Variants in SEPTIN9 observed in about 807,000 individuals in gnomAD.
The protein encoded by SEPTIN9 is septin 9.
A neutral mutation model predicts 56.6 loss-of-function variants in SEPTIN9; 13 were observed. That is an observed-to-expected ratio of 0.23 (90% CI 0.15 to 0.37). The LOEUF (loss-of-function observed/expected upper bound fraction) is 0.37, where lower values mean the gene tolerates loss of function less well. Ranked by LOEUF, SEPTIN9 falls within the 10% of genes least tolerant of loss-of-function variation. SEPTIN9 has a pLI of 1.00. For synonymous variants in SEPTIN9, 332 were observed against 334.1 expected, an observed-to-expected ratio of 0.99 and a Z score of 0.07; for missense variants, 650 against 823.1, an observed-to-expected ratio of 0.79 and a Z score of 2.57.
intron 2 of SEPTIN9, among the ~76,000 whole-genome samples, chr17:77,334,442 ATGT>A (rs780483979): frequency 5.0e-4 from 72 of 143,696 alleles, no homozygotes; most frequent in Non-Finnish European, 9.8e-4. Flanking sequence ...AAAAAAAAAA[ATGT>A]TGTTTCATAT....
intron 3 of SEPTIN9, among the ~76,000 whole-genome samples, chr17:77,481,385 G>A (rs1013959989): frequency 2.1e-5 from 3 of 145,604 alleles, no homozygotes; most frequent in Non-Finnish European, 4.5e-5. Context: ...TCCAGGGGGA[G>A]GCAGATGTGG....
Position 77,317,724 on chromosome 17 carries a change from A to T in SEPTIN9, c.76+10527A>T, listed in dbSNP as rs576101951. 3.3e-4 allele frequency among the ~76,000 whole-genome samples: 50 copies of T among 152,286 alleles called. No homozygotes were observed. Among genetic ancestry groups the T allele is most frequent in the African/African-American group, 9.9e-4 (41 of 41,556 alleles). ...CTTGTGGCCGGGTGCAGTGGCTCAC[A>T]CCTGTAATCCCAGAGTGAAACTCTG... On this transcript the variant is annotated intron_variant, in intron 2 of 11. Transcript: ENST00000427177. The surrounding 1 kb of genome is among the most constrained non-coding windows in gnomAD (Gnocchi z 4.2).
At position 77,452,816 on chromosome 17, in the gene SEPTIN9, C is replaced by T. The variant is rs149883339; in HGVS notation, c.722-29328C>T. The stretch of plus-strand genomic sequence containing the variant: ...TGTCATTCTCTTTGGCCAACTCCCC[C>T]GGCAGCCCCAGGAGCTCCTTTTCAG... On this transcript the variant is annotated intron_variant, in intron 3 of 11. Transcript: ENST00000427177. Among the ~76,000 whole-genome samples the T allele has an allele frequency of 4.5e-3, 684 of 150,984 alleles. 3 individuals are homozygous for T. The highest frequency in any genetic ancestry group is 0.017 in the Middle Eastern group (5 of 294).
Position 77,475,320 on chromosome 17 carries a change from G to T in SEPTIN9, c.722-6824G>T. On this transcript the variant is annotated intron_variant, in intron 3 of 11. Transcript: ENST00000427177. This position sits in a 1 kb window ranked among gnomAD's most constrained non-coding sequence, Gnocchi z 4.6. ...AGCGGGGAGGGCAAGCCCTGGTTGC[G>T]AGGCAGGGCTTCCCCAGGATTCAGC... The T allele has an allele frequency of 7.0e-7, 1 of 1,425,288 alleles. No homozygotes were observed. Among genetic ancestry groups the T allele is most frequent in the Non-Finnish European group, 9.1e-7 (1 of 1,094,978 alleles). The allele number at this position is 1,425,288 out of a possible 1,614,324, so 88.3% of individuals were successfully genotyped here. A position where few individuals can be genotyped will look rare whatever the true frequency, so the allele number is the denominator to read the frequency against.
intron 3 of SEPTIN9, among the ~76,000 whole-genome samples, chr17:77,458,540 G>GT (rs770017039): frequency 6.6e-6 from 1 of 152,180 alleles, no homozygotes; most frequent in Non-Finnish European, 1.5e-5. Flanking sequence ...CTAGAGCTAT[G>GT]GTCTTTTGTC....
At chr17:77,418,276 T>C (rs8071497) in intron 3 of SEPTIN9, among the ~76,000 whole-genome samples, 56,329 of 152,010 alleles carry the variant, frequency 0.37, 10,967 homozygotes, top group African/African-American at 0.41. Flanking sequence ...GCCCCTCAGA[T>C]GGCCGGAAAG....
At chr17:77,373,408 C>G in intron 2 of SEPTIN9, 1 of 1,262,180 alleles carries the variant, frequency 7.9e-7, no homozygotes, top group Admixed American at 4.4e-5. Context: ...AGCGCGGGCG[C>G]GGCGCCCCAG....
intron 2 of SEPTIN9, among the ~76,000 whole-genome samples, chr17:77,340,641 C>A (rs984661125): frequency 6.6e-6 from 1 of 152,182 alleles, no homozygotes; most frequent in African/African-American, 2.4e-5. Flanking sequence ...GTCAGCCTGT[C>A]CTTTGAAGCT....
At position 77,433,398 on chromosome 17, in the gene SEPTIN9, C is replaced by T. The variant is rs561939939; in HGVS notation, c.721+30695C>T. 1.3e-5 allele frequency among the ~76,000 whole-genome samples: 2 copies of T among 151,734 alleles called. No homozygotes were observed. The highest frequency in any genetic ancestry group is 2.9e-5 in the Non-Finnish European group (2 of 67,934). On this transcript the variant is annotated intron_variant, in intron 3 of 11. Transcript: ENST00000427177. The surrounding 1 kb of genome is among the most constrained non-coding windows in gnomAD (Gnocchi z 6.4). Reference sequence around the variant, plus strand: ...CAGGGTGGGGCTGGGTGCGAGGACCCCCCCCGGCCAACAGGGTCTGCTTAG... The same window carrying T: ...CAGGGTGGGGCTGGGTGCGAGGACCTCCCCCGGCCAACAGGGTCTGCTTAG...
intron 2 of SEPTIN9, among the ~76,000 whole-genome samples, chr17:77,356,868 G>A (rs2034270939): frequency 6.7e-6 from 1 of 149,418 alleles, no homozygotes; most frequent in Admixed American, 6.7e-5. Context: ...CATGCAGGCT[G>A]GCTGTCATGA....
At chr17:77,420,836 T>C (rs532537412) in intron 3 of SEPTIN9, among the ~76,000 whole-genome samples, 1 of 152,264 alleles carries the variant, frequency 6.6e-6, no homozygotes, top group Admixed American at 6.5e-5. Context: ...CAGTATGTGG[T>C]CACAACAACG....
intron 10 of SEPTIN9, 125 bp downstream of exon 10, chr17:77,493,201 A>T: frequency 1.6e-6 from 1 of 628,784 alleles, no homozygotes; most frequent in Non-Finnish European, 2.6e-6. Context: ...TGCCCCACCC[A>T]GAGGGAGGGG....
intron 3 of SEPTIN9, among the ~76,000 whole-genome samples, chr17:77,462,191 C>T (rs554460661): frequency 6.6e-6 from 1 of 152,272 alleles, no homozygotes; most frequent in Non-Finnish European, 1.5e-5. Flanking sequence ...TACTTGACAC[C>T]GAGCCTTCAT....
chr17:77,482,661 G>A (rs2039506633), intron 4 of SEPTIN9: 1 of 608,998 alleles, frequency 1.6e-6, no homozygotes, highest in Admixed American at 2.7e-5. Flanking sequence ...GGGTTCTGTG[G>A]CAGCTGTCCC....
rs909860547 is a variant in SEPTIN9, at chr17:77,436,552, C to G, written c.721+33849C>G. Among the ~76,000 whole-genome samples the G allele has an allele frequency of 2.6e-5, 4 of 152,234 alleles. No homozygotes were observed. The highest frequency in any genetic ancestry group is 3.2e-3 in the Middle Eastern group (1 of 316). ...CCTCCCACTTCCTTTGCCATGGGCCCCCTCCTCCACGCAGACCCTCAGCCT... is the reference window on the plus strand; with the variant it reads ...CCTCCCACTTCCTTTGCCATGGGCCGCCTCCTCCACGCAGACCCTCAGCCT... On this transcript the variant is annotated intron_variant, in intron 3 of 11. Coordinates refer to ENST00000427177, the MANE Select transcript of SEPTIN9 (RefSeq NM_001113491.2). The surrounding 1 kb of genome is among the most constrained non-coding windows in gnomAD (Gnocchi z 4.4).
At chr17:77,312,244 G>A (rs769058099) in intron 2 of SEPTIN9, among the ~76,000 whole-genome samples, 3 of 152,250 alleles carry the variant, frequency 2.0e-5, no homozygotes, top group South Asian at 2.1e-4. Flanking sequence ...GCTGGGGACC[G>A]GGTGATAGGA....
rs437566 is a variant in SEPTIN9 at position 77,396,604 on chromosome 17, C to T, written c.77-5455C>T. Among the ~76,000 whole-genome samples, 1,134 of 152,112 alleles carry T rather than the reference C, an allele frequency of 7.5e-3. 21 individuals are homozygous for T. Among genetic ancestry groups the T allele is most frequent in the African/African-American group, 0.026 (1,067 of 41,470 alleles). ...TGCACATTGGGAAGAGAGGGGCGAC[C>T]GTGTGTGACTGCAGGACCCAGGGCG... On this transcript the variant is annotated intron_variant, in intron 2 of 11. Coordinates refer to ENST00000427177, the MANE Select transcript of SEPTIN9 (RefSeq NM_001113491.2).
At chr17:77,482,640 G>A in intron 4 of SEPTIN9, 1 of 624,264 alleles carries the variant, frequency 1.6e-6, no homozygotes, top group East Asian at 2.7e-5. Context: ...AATGACGTCA[G>A]CTTGTGCAGA....
intron 2 of SEPTIN9, among the ~76,000 whole-genome samples, chr17:77,394,587 G>A (rs2035644170): frequency 6.6e-6 from 1 of 152,238 alleles, no homozygotes; most frequent in Non-Finnish European, 1.5e-5. Flanking sequence ...CGAGAGCTGA[G>A]CTGCGCATGA....
Sources: gnomAD v4.1 joint callset for allele counts (sites outside exome capture counted in the v4.1 genomes callset) on GRCh38, gnomAD v4.1.1 for gene constraint, Gnocchi (gnomAD v3.1) non-coding constraint, MANE v1.5 for transcripts, NCBI Gene and HGNC (gene_info 2026-07-23, HGNC 2026-07-21) for gene names.